MINAR1: variants seen among roughly 807,000 people sequenced by gnomAD.
MINAR1 encodes the protein major intrinsically disordered Notch2-binding receptor 1.
In MINAR1, 40 loss-of-function variants were observed where a neutral mutation model predicts 65.1. The ratio of observed to expected loss-of-function variants is 0.61; its 90% CI spans 0.48 to 0.80. The LOEUF (loss-of-function observed/expected upper bound fraction) is 0.80. MINAR1 is among the 30% of genes least tolerant of loss of function. The pLI, the probability that MINAR1 is intolerant of heterozygous loss-of-function variation, is 0.00. For missense variants in MINAR1, 1,128 were observed against 1,148.0 expected, an observed-to-expected ratio of 0.98 and a Z score of 0.25; for synonymous variants, 482 against 449.1, an observed-to-expected ratio of 1.07 and a Z score of -0.93.
chr15:79,411,429 G>A, the MINAR1 span: 8 of 702,536 alleles, frequency 1.1e-5, no homozygotes, highest in South Asian at 7.4e-5. Flanking sequence ...GGAAGGAGGT[G>A]GACAAGATGG....
chr15:79,417,424 G>A, the MINAR1 span: 1 of 152,202 alleles, frequency 6.6e-6, no homozygotes, highest in African/African-American at 2.4e-5. Flanking sequence ...TGTAAAATAT[G>A]TGGATCCCGA....
the MINAR1 span, chr15:79,417,842 C>CA: frequency 6.6e-6 from 1 of 152,184 alleles, no homozygotes; most frequent in East Asian, 1.9e-4. Flanking sequence ...CTGGTAGATA[C>CA]AAAAGCACAT....
intron 1 of MINAR1, among the ~76,000 whole-genome samples, chr15:79,452,143 G>A (rs150788280): frequency 1.2e-4 from 18 of 152,252 alleles, no homozygotes; most frequent in East Asian, 7.7e-4. Flanking sequence ...GTGGAAGTGC[G>A]ACAGCGTATG....
chr15:79,451,507 A>G (rs957580186), intron 1 of MINAR1, among the ~76,000 whole-genome samples: 1 of 151,742 alleles, frequency 6.6e-6, no homozygotes, highest in African/African-American at 2.4e-5. Flanking sequence ...GGTCTGCGGG[A>G]GACACAGGGG....
In MINAR1 at chr15:79,463,195, C is replaced by T; in HGVS notation, c.2427C>T (p.Asn809=). ...PASLKAHMKS[N]PLYTDMRLTE... is the part of the protein sequence containing the mutation. Reference sequence around the variant, plus strand: ...CCCTCAAGGCCCACATGAAGAGCAACCCCCTGTACACAGACATGCGGCTGA... The same window carrying T: ...CCCTCAAGGCCCACATGAAGAGCAATCCCCTGTACACAGACATGCGGCTGA... Residue 809 remains asparagine, a synonymous_variant, in exon 3 of 4, where the codon AAC becomes AAT. Coordinates refer to ENST00000305428, the MANE Select transcript of MINAR1 (RefSeq NM_015206.3). The T allele has an allele frequency of 6.2e-7, 1 of 1,614,238 alleles. No individual in the cohort carries two copies. The highest frequency in any genetic ancestry group is 8.5e-7 in the Non-Finnish European group (1 of 1,180,050).
At chr15:79,430,997 A>G (rs910315369), upstream of MINAR1, among the ~76,000 whole-genome samples, 1 of 152,228 alleles carries the variant, frequency 6.6e-6, no homozygotes, top group Non-Finnish European at 1.5e-5. Context: ...TGCCACCCAC[A>G]TCCAGACAGC....
intron 3 of MINAR1, among the ~76,000 whole-genome samples, chr15:79,466,975 T>C (rs1158832261): frequency 2.0e-5 from 3 of 152,202 alleles, no homozygotes; most frequent in East Asian, 1.9e-4. Context: ...CAATCTCTCT[T>C]TCTTCTTGTC....
intron 1 of MINAR1, among the ~76,000 whole-genome samples, chr15:79,443,920 T>C (rs957825128): frequency 1.3e-5 from 2 of 152,232 alleles, no homozygotes; most frequent in African/African-American, 4.8e-5. Flanking sequence ...ACCAGTAGCA[T>C]ATAAAAACTG....
At chr15:79,437,707 T>A (rs1595928548) in intron 1 of MINAR1, among the ~76,000 whole-genome samples, 1 of 22,320 alleles carries the variant, frequency 4.5e-5, no homozygotes, top group Non-Finnish European at 9.7e-5. Flanking sequence ...GTGTGGGGTG[T>A]GGGTGTGGGT....
At chr15:79,437,737 T>C (rs1240344830) in intron 1 of MINAR1, among the ~76,000 whole-genome samples, 4 of 24,106 alleles carry the variant, frequency 1.7e-4, no homozygotes, top group East Asian at 1.4e-3. Context: ...GTGTGTGGGG[T>C]GTGGGTGTGT....
chr15:79,428,885 T>C (rs1894379130), upstream of MINAR1, among the ~76,000 whole-genome samples: 1 of 152,036 alleles, frequency 6.6e-6, no homozygotes, highest in African/African-American at 2.4e-5. Flanking sequence ...CCTCTATCAC[T>C]AAAGAGAATT....
In MINAR1 at chr15:79,457,284, T is replaced by C; in HGVS notation, c.1137T>C (p.Phe379=). ...WSLNTEEVPD[F]ERSFFNRNPS... is the part of the protein sequence containing the mutation. ...TAAACACAGAGGAAGTTCCTGACTT[T>C]GAACGGTCCTTTTTCAATAGAAATC... is the stretch of plus-strand genomic sequence containing the variant. The change falls in exon 2 of 4, where the codon TTT becomes TTC. Residue 379 remains phenylalanine, a synonymous_variant. Transcript: ENST00000305428. 1 of 1,614,190 alleles carries C rather than the reference T, an allele frequency of 6.2e-7. No homozygotes were observed. Among genetic ancestry groups the C allele is most frequent in the South Asian group, 1.1e-5 (1 of 91,084 alleles).
intron 3 of MINAR1, 94 bp from the exon 4 acceptor site, chr15:79,468,093 C>G: frequency 1.0e-6 from 1 of 980,884 alleles, no homozygotes; most frequent in Non-Finnish European, 1.5e-6. Flanking sequence ...CAGCTGCAGA[C>G]AACTTAAGTG....
At chr15:79,439,327 G>GGGT in intron 1 of MINAR1, among the ~76,000 whole-genome samples, 1 of 72,260 alleles carries the variant, frequency 1.4e-5, no homozygotes, top group Non-Finnish European at 2.9e-5. Flanking sequence ...ATGAGATGTG[G>GGGT]GTGGGGTAGG....
intron 1 of MINAR1, among the ~76,000 whole-genome samples, chr15:79,437,255 A>T (rs1379837387): frequency 6.6e-6 from 1 of 152,200 alleles, no homozygotes; most frequent in South Asian, 2.1e-4. Context: ...GTTGAAGAAG[A>T]TGAAAGTCTT....
In MINAR1 at chr15:79,456,817, T is replaced by C; in HGVS notation, c.670T>C (p.Ser224Pro). 6.2e-7 allele frequency: 1 copy of C among 1,613,730 alleles called. No homozygotes were observed. Among genetic ancestry groups the C allele is most frequent in the Non-Finnish European group, 8.5e-7 (1 of 1,179,934 alleles). The change falls in exon 2 of 4, where the codon TCC (serine) becomes CCC (proline). Residue 224 changes from serine (S) to proline (P), a missense_variant. Ser to Pro is a moderately conservative substitution (Grantham distance 74). Transcript: ENST00000305428. ...TYFPMNIENESISDQDSLPIN... is the reference protein window; with the variant it reads ...TYFPMNIENEPISDQDSLPIN... The stretch of plus-strand genomic sequence containing the variant: ...CTTCCCCATGAACATCGAAAACGAG[T>C]CCATTTCAGACCAGGACTCCCTGCC...
At chr15:79,440,749 T>G (rs1236421725) in intron 1 of MINAR1, among the ~76,000 whole-genome samples, 1 of 152,208 alleles carries the variant, frequency 6.6e-6, no homozygotes, top group Non-Finnish European at 1.5e-5. Context: ...CCCCTGCGCC[T>G]CCTCTGACCA....
intron 1 of MINAR1, among the ~76,000 whole-genome samples, chr15:79,449,733 C>T (rs1021077651): frequency 6.6e-6 from 1 of 152,188 alleles, no homozygotes; most frequent in African/African-American, 2.4e-5. Flanking sequence ...ATCACACTGG[C>T]AACACCTGAA....
At chr15:79,419,021 C>T in the MINAR1 span, 1 of 152,216 alleles carries the variant, frequency 6.6e-6, no homozygotes, top group Admixed American at 6.5e-5. Flanking sequence ...GTCAATTCAT[C>T]CAAACAAAGG....
Sources: gnomAD v4.1 joint callset for allele counts (sites outside exome capture counted in the v4.1 genomes callset) on GRCh38, gnomAD v4.1.1 for gene constraint, MANE v1.5 for transcripts, NCBI Gene and HGNC (gene_info 2026-07-23, HGNC 2026-07-21) for gene names.